VAPA: variants seen among roughly 807,000 people sequenced by gnomAD.
VAPA encodes VAMP associated protein A.
In VAPA, 6 loss-of-function variants were observed where a neutral mutation model predicts 25.6. That is an observed-to-expected ratio of 0.23 (90% CI 0.13 to 0.46). The LOEUF is 0.46. VAPA is among the 20% of genes least tolerant of loss of function. The pLI is 0.99. For missense variants in VAPA, 244 were observed against 302.1 expected (o/e 0.81, Z 1.43); for synonymous variants, 112 against 106.2 (o/e 1.05, Z -0.34).
intron 2 of VAPA, 56 bp from the exon 3 acceptor site, chr18:9,936,054 G>T: frequency 1.6e-6 from 2 of 1,265,278 alleles, no homozygotes; most frequent in Non-Finnish European, 2.2e-6. Flanking sequence ...CTGTTTCAAT[G>T]TATGTCTTTC....
Position 9,922,046 on chromosome 18 carries a change from T to C in VAPA, c.79+7711T>C, listed in dbSNP as rs79018227. Among the ~76,000 whole-genome samples the C allele has an allele frequency of 0.029, 4,431 of 152,268 alleles. 431 individuals carry two copies. In the East Asian group the frequency reaches 0.35, roughly 12 times the overall value. ...AGACTGAAGTGCAGTGGTGCTGTTA[T>C]AGCTCACTGCAGCCTTGAACTCCAG... On this transcript the variant is annotated intron_variant, in intron 1 of 5. Coordinates refer to ENST00000400000, the MANE Select transcript of VAPA (RefSeq NM_194434.3).
intron 1 of VAPA, among the ~76,000 whole-genome samples, chr18:9,916,109 C>T (rs900509014): frequency 4.1e-4 from 62 of 151,960 alleles, no homozygotes; most frequent in Non-Finnish European, 6.3e-4. Context: ...AGTTTTAGGC[C>T]AGGAAATGTC....
At chr18:9,923,762 T>G (rs2069176567) in intron 1 of VAPA, among the ~76,000 whole-genome samples, 1 of 152,168 alleles carries the variant, frequency 6.6e-6, no homozygotes, top group South Asian at 2.1e-4. Flanking sequence ...CCAAAAAATC[T>G]GTGGTTCTGA....
At chr18:9,944,415 TA>T (rs975552491) in intron 4 of VAPA, among the ~76,000 whole-genome samples, 1 of 152,174 alleles carries the variant, frequency 6.6e-6, no homozygotes, top group Non-Finnish European at 1.5e-5. Flanking sequence ...ACTATGGACT[TA>T]ATGGTTATAT....
chr18:9,935,485 G>A (rs373704691), intron 2 of VAPA, among the ~76,000 whole-genome samples: 5 of 152,310 alleles, frequency 3.3e-5, no homozygotes, highest in African/African-American at 9.6e-5. Context: ...GAAGTGGGAG[G>A]ATTGCCTGAG....
At position 9,950,630 on chromosome 18, in the gene VAPA, T is replaced by C. The variant is rs2143435122; in HGVS notation, c.591+62T>C. Reference sequence around the variant, plus strand: ...GAAGGTATAGGACATGTGAGTGTTATTAGGCCATTTTAGCAATTAGCTTTT... The same window carrying C: ...GAAGGTATAGGACATGTGAGTGTTACTAGGCCATTTTAGCAATTAGCTTTT... On this transcript the variant is annotated intron_variant, in intron 5 of 5. Transcript: ENST00000400000. 9.1e-6 allele frequency: 14 copies of C among 1,536,522 alleles called. No homozygotes were observed. The East Asian group carries it at 1.2e-4, about 13-fold the overall frequency.
intron 4 of VAPA, among the ~76,000 whole-genome samples, chr18:9,937,351 G>C (rs891425065): frequency 1.3e-5 from 2 of 151,618 alleles, no homozygotes; most frequent in South Asian, 4.2e-4. Context: ...AACCACTGCA[G>C]GTTCTTTTTT....
intron 1 of VAPA, among the ~76,000 whole-genome samples, chr18:9,915,469 TGAAA>T (rs1165755387): frequency 6.6e-6 from 1 of 152,226 alleles, no homozygotes; most frequent in African/African-American, 2.4e-5. Flanking sequence ...TAAGGAATAC[TGAAA>T]GAGTGTGAAC....
intron 1 of VAPA, chr18:9,915,199 C>A (rs913808998): frequency 6.6e-6 from 1 of 152,312 alleles, no homozygotes; most frequent in Non-Finnish European, 1.5e-5. Context: ...TTGAGCTCCT[C>A]TGCTGAGAAA....
intron 1 of VAPA, among the ~76,000 whole-genome samples, chr18:9,925,984 A>G (rs1599100125): frequency 1.3e-5 from 2 of 152,110 alleles, no homozygotes; most frequent in African/African-American, 4.8e-5. Context: ...TTGACTTCCC[A>G]CTTTCATTGC....
intron 1 of VAPA, among the ~76,000 whole-genome samples, chr18:9,929,241 A>G (rs2069228798): frequency 6.6e-6 from 1 of 152,158 alleles, no homozygotes; most frequent in Non-Finnish European, 1.5e-5. Flanking sequence ...TGCAATGGGA[A>G]CATAGTACTT....
chr18:9,932,896 C>T (rs1448966084), intron 2 of VAPA, among the ~76,000 whole-genome samples: 3 of 152,158 alleles, frequency 2.0e-5, no homozygotes, highest in African/African-American at 7.2e-5. Context: ...ATCACGACGT[C>T]AGGAGTTCAA....
In VAPA at chr18:9,959,665, G is replaced by A. The variant is rs2069585028; in HGVS notation, c.*5454G>A. The A allele has an allele frequency of 7.3e-6, 1 of 137,212 alleles. No homozygotes were observed. 8.5% of individuals were successfully genotyped at this position (137,212 alleles called of 1,614,324 possible). On this transcript the variant is annotated 3_prime_UTR_variant, in exon 6 of 6. Coordinates refer to ENST00000400000, the MANE Select transcript of VAPA (RefSeq NM_194434.3). ...TACTATAGGCACTTAAGAACCCTGAGGAAAAATAATACAATGTGTGTGTGT... is the reference window on the plus strand; with the variant it reads ...TACTATAGGCACTTAAGAACCCTGAAGAAAAATAATACAATGTGTGTGTGT...
At chr18:9,929,432 C>T (rs940145434) in intron 1 of VAPA, among the ~76,000 whole-genome samples, 6 of 152,136 alleles carry the variant, frequency 3.9e-5, no homozygotes, top group African/African-American at 1.2e-4. Context: ...TTTTAATCAG[C>T]AGCTCCTGGC....
intron 1 of VAPA, among the ~76,000 whole-genome samples, chr18:9,917,837 A>C (rs985179214): frequency 1.3e-5 from 2 of 152,114 alleles, no homozygotes; most frequent in Non-Finnish European, 2.9e-5. Flanking sequence ...ACTCCTCTGG[A>C]TGGATATTTA....
chr18:9,930,169 AACTT>A (rs2069239218), intron 1 of VAPA, among the ~76,000 whole-genome samples: 1 of 152,182 alleles, frequency 6.6e-6, no homozygotes, highest in Non-Finnish European at 1.5e-5. Flanking sequence ...TAATTCTAAA[AACTT>A]ACATAATTAT....
intron 1 of VAPA, 197 bp downstream of exon 1, chr18:9,914,532 C>T (rs1001824794): frequency 5.2e-5 from 16 of 310,500 alleles, no homozygotes; most frequent in African/African-American, 2.7e-4. Context: ...CCGCTTCATC[C>T]CCTCCCGCCC....
chr18:9,922,519 A>G (rs938444633), intron 1 of VAPA, among the ~76,000 whole-genome samples: 2 of 152,280 alleles, frequency 1.3e-5, no homozygotes, highest in African/African-American at 4.8e-5. Context: ...ACCTGGTCTC[A>G]CAGGAAGAGG....
At chr18:9,933,903 T>G (rs1466858002) in intron 2 of VAPA, among the ~76,000 whole-genome samples, 1 of 152,226 alleles carries the variant, frequency 6.6e-6, no homozygotes, top group East Asian at 1.9e-4. Flanking sequence ...GTTATATCCC[T>G]AGGAATCCAT....
Sources: gnomAD v4.1 joint callset for allele counts (sites outside exome capture counted in the v4.1 genomes callset) on GRCh38, gnomAD v4.1.1 for gene constraint, MANE v1.5 for transcripts, NCBI Gene and HGNC (gene_info 2026-07-23, HGNC 2026-07-21) for gene names.